Variants in LOXHD1 observed in about 807,000 individuals in gnomAD.
LOXHD1 encodes the protein lipoxygenase homology domain-containing protein 1.
A neutral mutation model predicts 248.2 loss-of-function variants in LOXHD1; 205 were observed. That is an observed-to-expected ratio of 0.83 (90% CI 0.74 to 0.93). The LOEUF is 0.93. LOXHD1 is among the 40% of genes least tolerant of loss of function. The probability of loss-of-function intolerance (pLI) is 0.00; values close to 1 mark genes in which losing one functional copy is unlikely to be tolerated. For missense variants in LOXHD1, 2,930 were observed against 2,971.6 expected (o/e 0.99, Z 0.33); for synonymous variants, 1,113 against 1,162.8 (o/e 0.96, Z 0.87).
At position 46,592,545 on chromosome 18, in the gene LOXHD1, C is replaced by T. The variant is rs756827200; in HGVS notation, c.1471G>A (p.Val491Ile). ...PDLGRFYKIR[V>I]WHDKRSSGSG... is the part of the protein sequence containing the mutation. ...CCAGAACTCCTTTTATCATGCCATACTCGAATCTTATAAAACCTGCCAAGA... is the reference window on the plus strand; with the variant it reads ...CCAGAACTCCTTTTATCATGCCATATTCGAATCTTATAAAACCTGCCAAGA... The change falls in exon 11 of 41, where the codon GTA (valine) becomes ATA (isoleucine). Residue 491 changes from valine to isoleucine, a missense_variant. Transcript: ENST00000642948. 5.8e-6 allele frequency: 9 copies of T among 1,551,662 alleles called. No homozygotes were observed. In the South Asian group the frequency reaches 8.3e-5, roughly 14 times the overall value.
At chr18:46,592,170 T>C in intron 11 of LOXHD1, 102 bp from the exon 12 acceptor site, 1 of 1,439,514 alleles carries the variant, frequency 6.9e-7, no homozygotes, top group Non-Finnish European at 9.5e-7. Flanking sequence ...GCCAAGGCTA[T>C]TTCCTGGAGA....
rs2074737299 is a variant in LOXHD1, at chr18:46,604,108, G to A, written c.881C>T (p.Thr294Ile). 6.4e-7 allele frequency: 1 copy of A among 1,551,736 alleles called. No individual in the cohort carries two copies. The highest frequency in any genetic ancestry group is 1.2e-5 in the South Asian group (1 of 84,056). Residue 294 changes from threonine to isoleucine, a missense_variant and splice_region_variant, in exon 7 of 41, where the codon ACA becomes ATA. Transcript: ENST00000642948. Reference protein sequence around the residue: ...RDILVGGAETTAITYIVTVFT... With the variant: ...RDILVGGAETIAITYIVTVFT... The stretch of plus-strand genomic sequence containing the variant: ...GCCTCCCCTTTCTTCAAATCTACCT[G>A]TGGTCTCAGCTCCGCCCACTAAGAT...
chr18:46,651,584 G>A (rs894848045), intron 1 of LOXHD1, among the ~76,000 whole-genome samples: 2 of 151,860 alleles, frequency 1.3e-5, no homozygotes, highest in East Asian at 3.9e-4. Flanking sequence ...GCATAGGAGA[G>A]GAATGAAAAA....
chr18:46,657,063 A>G lies in LOXHD1; in HGVS notation c.-30T>C. On this transcript the variant is annotated 5_prime_UTR_variant, in exon 1 of 41. Coordinates refer to ENST00000642948, the MANE Select transcript of LOXHD1 (RefSeq NM_001384474.1). ...TCGGCTGCCTTCTCCCAGCGCTCGCAGGCTCACTGTGCCGCCTCCTCACAC... is the reference window on the plus strand; with the variant it reads ...TCGGCTGCCTTCTCCCAGCGCTCGCGGGCTCACTGTGCCGCCTCCTCACAC... The G allele has an allele frequency of 6.4e-7, 1 of 1,551,374 alleles. No homozygotes were observed. The highest frequency in any genetic ancestry group is 8.7e-7 in the Non-Finnish European group (1 of 1,146,826).
chr18:46,503,045 C>G (rs1368767388), intron 37 of LOXHD1, among the ~76,000 whole-genome samples: 1 of 152,156 alleles, frequency 6.6e-6, no homozygotes, highest in Non-Finnish European at 1.5e-5. Flanking sequence ...ATTAAACTAA[C>G]ATTTATTAAG....
intron 34 of LOXHD1, among the ~76,000 whole-genome samples, chr18:46,510,520 C>T (rs2034893711): frequency 6.6e-6 from 1 of 152,200 alleles, no homozygotes. Flanking sequence ...TACAATTCGA[C>T]CTTCAATGCT....
In LOXHD1 at chr18:46,601,300, G is replaced by A; in HGVS notation, c.1051C>T (p.Leu351=). ...RGRTDIFHIE[L]AVLLSPLSRV... is the part of the protein sequence containing the mutation. The stretch of plus-strand genomic sequence containing the variant: ...CTCAGGGGGCTAAGGAGGACAGCCA[G>A]CTCGATGTGGAAGATGTCCGTGCGG... The change falls in exon 8 of 41, where the codon CTG becomes TTG. Residue 351 remains leucine (L), a synonymous_variant. Transcript: ENST00000642948. 1.3e-6 allele frequency: 2 copies of A among 1,551,698 alleles called. No individual in the cohort carries two copies. Among genetic ancestry groups the A allele is most frequent in the Non-Finnish European group, 8.7e-7 (1 of 1,147,000 alleles).
chr18:46,632,020 G>C lies in LOXHD1; in HGVS notation c.511+7596C>G, dbSNP rs1215379834. Among the ~76,000 whole-genome samples, 7 of 152,358 alleles carry C rather than the reference G, an allele frequency of 4.6e-5. No homozygotes were observed. In the East Asian group the frequency reaches 5.8e-4, roughly 13 times the overall value. On this transcript the variant is annotated intron_variant, in intron 4 of 40. Transcript: ENST00000642948. ...AACACAATCTGAGCAAACAGGTTGA[G>C]AAATGGGAGCTGCTAGCCCTAGACC... is the stretch of plus-strand genomic sequence containing the variant.
intron 11 of LOXHD1, 21 bp downstream of exon 11, chr18:46,592,477 C>G: frequency 6.5e-7 from 1 of 1,541,666 alleles, no homozygotes; most frequent in Non-Finnish European, 8.8e-7. Flanking sequence ...ACCTCCCAAA[C>G]CCCAAGATGG....
intron 20 of LOXHD1, 33 bp from the exon 21 acceptor site, chr18:46,557,522 A>G: frequency 6.4e-7 from 1 of 1,551,180 alleles, no homozygotes; most frequent in Non-Finnish European, 8.7e-7. Context: ...CAGTGGGGTA[A>G]GACCTACCCC....
In LOXHD1 at chr18:46,601,240, T is replaced by A. The variant is rs1225743133; in HGVS notation, c.1111A>T (p.Asn371Tyr). Residue 371 changes from asparagine (N) to tyrosine (Y), a missense_variant, in exon 8 of 41, where the codon AAC becomes TAC. Coordinates refer to ENST00000642948, the MANE Select transcript of LOXHD1 (RefSeq NM_001384474.1). ...VSVGHGNVGVNRGWFCEKVVI... is the reference protein window; with the variant it reads ...VSVGHGNVGVYRGWFCEKVVI... ...ACCTTCTCACAGAACCAGCCTCTGT[T>A]GACACCCACATTGCCATGCCCGACG... 1.9e-6 allele frequency: 3 copies of A among 1,551,628 alleles called. No homozygotes were observed. In the East Asian group the frequency reaches 7.3e-5, roughly 38 times the overall value.
rs938498570 is a variant in LOXHD1, at chr18:46,520,411, C to A, written c.5271+686G>T. ...CATAGCCATGAGCCAAAAAGAGAAA[C>A]CCACAGGGTCAGGTGAAACAGAGGC... On this transcript the variant is annotated intron_variant, in intron 33 of 40. Coordinates refer to ENST00000642948, the MANE Select transcript of LOXHD1 (RefSeq NM_001384474.1). The A allele has an allele frequency of 9.4e-5, 39 of 414,368 alleles. No homozygotes were observed. The Admixed American group carries it at 1.1e-3, about 12-fold the overall frequency. 25.7% of individuals were successfully genotyped at this position (414,368 alleles called of 1,614,324 possible).
chr18:46,600,392 A>T (rs1222056866), intron 8 of LOXHD1, among the ~76,000 whole-genome samples: 1 of 152,200 alleles, frequency 6.6e-6, no homozygotes, highest in African/African-American at 2.4e-5. Flanking sequence ...TGAGGTCAGG[A>T]GTTCAAGTCC....
chr18:46,533,290 C>T lies in LOXHD1; in HGVS notation c.4247G>A (p.Trp1416Ter), dbSNP rs2036157162. 6.4e-7 allele frequency: 1 copy of T among 1,551,788 alleles called. No individual in the cohort carries two copies. The highest frequency in any genetic ancestry group is 8.7e-7 in the Non-Finnish European group (1 of 1,147,012). Reference sequence around the variant, plus strand: ...TTTGTCATCCTCAGAGGTGGCAAGCCACCGATCGCATGGGAAAGTCAAGGT... The same window carrying T: ...TTTGTCATCCTCAGAGGTGGCAAGCTACCGATCGCATGGGAAAGTCAAGGT... ...AETLTFPCDR[W>*]LATSEDDKKT... Residue 1416 changes from tryptophan (W) to a stop codon, truncating the protein, a stop_gained, in exon 28 of 41, where the codon TGG (tryptophan) becomes TAG (stop). Transcript: ENST00000642948. LOFTEE classifies it high-confidence loss of function.
In LOXHD1 at chr18:46,479,482, A is replaced by T. The variant is rs1268113349; in HGVS notation, c.6342-1530T>A. On this transcript the variant is annotated intron_variant, in intron 40 of 40. Transcript: ENST00000642948. ...ACAGCATGGTGGGAAAATGCTGCAC[A>T]GGATGTGAGAGGGCATGGTCTGCCC... Among the ~76,000 whole-genome samples, 13 of 152,102 alleles carry T rather than the reference A, an allele frequency of 8.5e-5. 1 individual carries two copies. The highest frequency in any genetic ancestry group is 1.6e-4 in the Non-Finnish European group (11 of 68,014).
chr18:46,573,579 G>A (rs73431109), intron 14 of LOXHD1, among the ~76,000 whole-genome samples: 1,665 of 152,312 alleles, frequency 0.011, 23 homozygotes, highest in African/African-American at 0.038. Context: ...CCTGGCTACA[G>A]AGCCTGTAAA....
rs541862102 is a variant in LOXHD1, at chr18:46,485,123, G to A, written c.6078C>T (p.Asn2026=). Residue 2026 remains asparagine, a synonymous_variant, in exon 39 of 41, where the codon AAC becomes AAT. Coordinates refer to ENST00000642948, the MANE Select transcript of LOXHD1 (RefSeq NM_001384474.1). ...AGACGTTCTCCCTGGTTTCGCCTCC[G>A]TTGCCCGTTTCTATGACGATCTCGT... ...TTYEIVIETG[N]GGETRENVWL... The A allele has an allele frequency of 7.1e-6, 11 of 1,548,980 alleles. No individual in the cohort carries two copies. Among genetic ancestry groups the A allele is most frequent in the East Asian group, 4.9e-5 (2 of 40,832 alleles).
chr18:46,601,453 C>G lies in LOXHD1; in HGVS notation c.898G>C (p.Val300Leu). 6.4e-7 allele frequency: 1 copy of G among 1,551,754 alleles called. No homozygotes were observed. The highest frequency in any genetic ancestry group is 8.7e-7 in the Non-Finnish European group (1 of 1,147,020). The stretch of plus-strand genomic sequence containing the variant: ...CGGACATCCCCAGTGAAGACGGTGA[C>G]AATATACGTAATAGCTGGTGTGGAA... Reference protein sequence around the residue: ...GAETTAITYIVTVFTGDVRGA... With the variant: ...GAETTAITYILTVFTGDVRGA... The change falls in exon 8 of 41, where the codon GTC (valine) becomes CTC (leucine). Residue 300 changes from valine to leucine, a missense_variant. Physicochemically the swap from Val to Leu is conservative, Grantham distance 32. Coordinates refer to ENST00000642948, the MANE Select transcript of LOXHD1 (RefSeq NM_001384474.1).
rs2032936332 is a variant in LOXHD1 at position 46,485,111 on chromosome 18, G to C, written c.6090C>G (p.Thr2030=). The C allele has an allele frequency of 6.5e-7, 1 of 1,549,852 alleles. No homozygotes were observed. The highest frequency in any genetic ancestry group is 8.7e-7 in the Non-Finnish European group (1 of 1,146,488). ...IVIETGNGGE[T]RENVWLILEG... ...CCAGGATGAGCCAGACGTTCTCCCT[G>C]GTTTCGCCTCCGTTGCCCGTTTCTA... Residue 2030 remains threonine, a synonymous_variant, in exon 39 of 41, where the codon ACC becomes ACG. Coordinates refer to ENST00000642948, the MANE Select transcript of LOXHD1 (RefSeq NM_001384474.1).
Sources: gnomAD v4.1 joint callset for allele counts (sites outside exome capture counted in the v4.1 genomes callset) on GRCh38, gnomAD v4.1.1 for gene constraint, MANE v1.5 for transcripts, NCBI Gene and HGNC (gene_info 2026-07-23, HGNC 2026-07-21) for gene names.